Variants in SLC6A20 observed in about 807,000 individuals in gnomAD.
The protein encoded by SLC6A20 is solute carrier family 6 member 20, also known as sodium- and chloride-dependent transporter XTRP3.
SLC6A20 carries 73 observed loss-of-function variants against 64.3 expected under a neutral mutation model. That is an observed-to-expected ratio of 1.14 (90% CI 0.94 to 1.38). The LOEUF is 1.38. SLC6A20 is among the 40% of genes most tolerant of loss of function. The probability of loss-of-function intolerance (pLI) is 0.00; values close to 1 mark genes in which losing one functional copy is unlikely to be tolerated. For synonymous variants in SLC6A20, 347 were observed against 329.6 expected (o/e 1.05, Z -0.57); for missense variants, 725 against 772.8 (o/e 0.94, Z 0.73).
intron 3 of SLC6A20, among the ~76,000 whole-genome samples, chr3:45,776,880 T>C (rs1406207012): frequency 1.3e-5 from 2 of 152,142 alleles, no homozygotes; most frequent in Non-Finnish European, 2.9e-5. Flanking sequence ...AAGAGAAGGC[T>C]CCAGGTGTGC....
chr3:45,777,208 G>C (rs1287351103), intron 3 of SLC6A20, among the ~76,000 whole-genome samples: 2 of 152,192 alleles, frequency 1.3e-5, no homozygotes, highest in African/African-American at 4.8e-5. Context: ...CCAAGGCCCG[G>C]GGTATCACCT....
At chr3:45,759,534 G>C (rs1259711226) in intron 10 of SLC6A20, among the ~76,000 whole-genome samples, 2 of 152,218 alleles carry the variant, frequency 1.3e-5, no homozygotes, top group Admixed American at 1.3e-4. Context: ...TGTCTGCTGC[G>C]GTAGGCGCGG....
intron 1 of SLC6A20, among the ~76,000 whole-genome samples, chr3:45,783,403 T>G (rs1431623758): frequency 6.6e-6 from 1 of 152,244 alleles, no homozygotes; most frequent in East Asian, 1.9e-4. Context: ...ATGTCTCCAT[T>G]GTACACACGT....
intron 9 of SLC6A20, among the ~76,000 whole-genome samples, chr3:45,761,841 T>C (rs1210531362): frequency 1.3e-5 from 2 of 152,180 alleles, no homozygotes; most frequent in African/African-American, 4.8e-5. Context: ...AATTTGGCTT[T>C]GTTTAACTTA....
chr3:45,764,955 G>A lies in SLC6A20; in HGVS notation c.1303+582C>T, dbSNP rs533368393. Among the ~76,000 whole-genome samples the A allele has an allele frequency of 5.3e-5, 8 of 152,150 alleles. No homozygotes were observed. In the East Asian group the frequency reaches 1.4e-3, roughly 26 times the overall value. ...AGGCCAGGTGTGGTGGCTCACACCT[G>A]TAATCCCAGCACTTTCGGAGGCTGA... On this transcript the variant is annotated intron_variant, in intron 8 of 10. Transcript: ENST00000358525.
rs572082148 is a variant in SLC6A20, at chr3:45,787,037, T to A, written c.122-4814A>T. On this transcript the variant is annotated intron_variant, in intron 1 of 10. Transcript: ENST00000358525. ...AGGTCTTTGTGATTCCACCCTCCAG[T>A]CCCCTCCCTGCAGTTTGTTCTCAGA... 6.4e-4 allele frequency among the ~76,000 whole-genome samples: 97 copies of A among 152,252 alleles called. 2 individuals carry two copies. The South Asian group carries it at 0.014, about 22-fold the overall frequency.
chr3:45,765,466 G>C lies in SLC6A20; in HGVS notation c.1303+71C>G. 1 of 1,523,940 alleles carries C rather than the reference G, an allele frequency of 6.6e-7. No individual in the cohort carries two copies. The highest frequency in any genetic ancestry group is 8.9e-7 in the Non-Finnish European group (1 of 1,126,552). The allele number at this position is 1,523,940 out of a possible 1,614,324, so 94.4% of individuals were successfully genotyped here. A position where few individuals can be genotyped will look rare whatever the true frequency, so the allele number is the denominator to read the frequency against. Reference sequence around the variant, plus strand: ...GAACCAGCCCATGACCCCTGAGGGAGCTCTCCCCTGTTCACCCCCACGCCT... The same window carrying C: ...GAACCAGCCCATGACCCCTGAGGGACCTCTCCCCTGTTCACCCCCACGCCT... On this transcript the variant is annotated intron_variant, in intron 8 of 10. Transcript: ENST00000358525. This position sits in a 1 kb window ranked among gnomAD's most constrained non-coding sequence, Gnocchi z 4.2.
In SLC6A20 at chr3:45,796,324, C is replaced by T. The variant is rs747150459; in HGVS notation, c.96G>A (p.Pro32=). ...CTCCGCCGTACATCTGGCACAGGTA[C>T]GGGAATCGCCACACGTTGCCCAGGC... ...AVGLGNVWRF[P]YLCQMYGGGS... is the part of the protein sequence containing the mutation. The change falls in exon 1 of 11, where the codon CCG becomes CCA. Residue 32 remains proline, a synonymous_variant. Coordinates refer to ENST00000358525, the MANE Select transcript of SLC6A20 (RefSeq NM_020208.4). The T allele has an allele frequency of 4.3e-6, 7 of 1,611,630 alleles. No homozygotes were observed. The highest frequency in any genetic ancestry group is 5.9e-6 in the Non-Finnish European group (7 of 1,179,174).
chr3:45,779,482 G>C (rs1164410143), intron 3 of SLC6A20, among the ~76,000 whole-genome samples: 2 of 152,182 alleles, frequency 1.3e-5, no homozygotes, highest in Non-Finnish European at 2.9e-5. Flanking sequence ...GTGTTACAGG[G>C]TGACAATGGT....
At chr3:45,769,624 TGA>T (rs1699827428) in intron 7 of SLC6A20, among the ~76,000 whole-genome samples, 1 of 152,160 alleles carries the variant, frequency 6.6e-6, no homozygotes. Flanking sequence ...AAATGCTGAA[TGA>T]GAGAAGTATC....
At chr3:45,792,867 A>T (rs754427087) in intron 1 of SLC6A20, among the ~76,000 whole-genome samples, 1 of 151,888 alleles carries the variant, frequency 6.6e-6, no homozygotes, top group East Asian at 1.9e-4. Context: ...ATTTACTGGG[A>T]CCCTACTGCC....
In SLC6A20 at chr3:45,765,600, T is replaced by C. The variant is rs1376847002; in HGVS notation, c.1240A>G (p.Ile414Val). 6.2e-7 allele frequency: 1 copy of C among 1,614,146 alleles called. No homozygotes were observed. The highest frequency in any genetic ancestry group is 1.7e-5 in the Admixed American group (1 of 60,026). The change falls in exon 8 of 11, where the codon ATC (isoleucine) becomes GTC (valine). Residue 414 changes from isoleucine (I) to valine (V), a missense_variant. Physicochemically the swap from Ile to Val is conservative, Grantham distance 29. Transcript: ENST00000358525. The surrounding 1 kb of genome is among the most constrained non-coding windows in gnomAD (Gnocchi z 4.2). ...IGSMLGNTAA[I>V]LTPLTDSKII... The stretch of plus-strand genomic sequence containing the variant: ...TTGCTGTCTGTCAGAGGGGTGAGGA[T>C]GGCCGCTGTGTTCCCCAGCATGCTC...
Position 45,758,850 on chromosome 3 carries a change from A to G in SLC6A20, c.*128T>C. 7.2e-7 allele frequency: 1 copy of G among 1,382,792 alleles called. No homozygotes were observed. The highest frequency in any genetic ancestry group is 9.4e-7 in the Non-Finnish European group (1 of 1,064,734). 85.7% of individuals were successfully genotyped at this position (1,382,792 alleles called of 1,614,324 possible). A position where few individuals can be genotyped will look rare whatever the true frequency, so the allele number is the denominator to read the frequency against. ...AGTTTTCTTCCTGCACACCTTCCTC[A>G]TCTTCTTTAGACACTCAGGAAGTTG... On this transcript the variant is annotated 3_prime_UTR_variant, in exon 11 of 11. Coordinates refer to ENST00000358525, the MANE Select transcript of SLC6A20 (RefSeq NM_020208.4).
chr3:45,778,697 C>G (rs1475971842), intron 3 of SLC6A20, among the ~76,000 whole-genome samples: 1 of 152,162 alleles, frequency 6.6e-6, no homozygotes, highest in Non-Finnish European at 1.5e-5. Context: ...CCTTAGTTGG[C>G]AGTACTGTTG....
Position 45,772,523 on chromosome 3 carries a change from C to T in SLC6A20, c.675G>A (p.Met225Ile). The T allele has an allele frequency of 6.2e-7, 1 of 1,613,576 alleles. No homozygotes were observed. Among genetic ancestry groups the T allele is most frequent in the South Asian group, 1.1e-5 (1 of 90,928 alleles). ...CCCGTACCTTGGGAGTGAACATGTA[C>T]ATGAGGCCATTGGTGGCTCCGTGGA... Reference protein sequence around the residue: ...LTLHGATNGLMYMFTPKIEQL... With the variant: ...LTLHGATNGLIYMFTPKIEQL... Residue 225 changes from methionine to isoleucine, a missense_variant, in exon 5 of 11, where the codon ATG (methionine) becomes ATA (isoleucine). Met to Ile is a conservative substitution (Grantham distance 10). Coordinates refer to ENST00000358525, the MANE Select transcript of SLC6A20 (RefSeq NM_020208.4).
intron 1 of SLC6A20, among the ~76,000 whole-genome samples, chr3:45,789,155 A>T (rs1175956898): frequency 6.6e-6 from 1 of 152,210 alleles, no homozygotes; most frequent in Admixed American, 6.5e-5. Context: ...ATATCAACAG[A>T]TGACATTTCA....
intron 2 of SLC6A20, among the ~76,000 whole-genome samples, chr3:45,781,040 C>T (rs1364535786): frequency 2.0e-5 from 3 of 152,054 alleles, no homozygotes; most frequent in Non-Finnish European, 2.9e-5. Flanking sequence ...AATAGCCTAG[C>T]GAAACCCCAT....
At chr3:45,771,494 G>A (rs1453071762) in intron 5 of SLC6A20, 36 bp from the exon 6 acceptor site, 4 of 1,610,464 alleles carry the variant, frequency 2.5e-6, no homozygotes, top group Non-Finnish European at 3.4e-6. Flanking sequence ...GATGATCCCT[G>A]GGTGGAATCC....
At chr3:45,767,781 T>C (rs4299518) in intron 7 of SLC6A20, among the ~76,000 whole-genome samples, 57,783 of 152,008 alleles carry the variant, frequency 0.38, 12,021 homozygotes, top group Non-Finnish European at 0.47. Flanking sequence ...GAGAAGATCA[T>C]GAGAAAGAGA....
Sources: gnomAD v4.1 joint callset for allele counts (sites outside exome capture counted in the v4.1 genomes callset) on GRCh38, gnomAD v4.1.1 for gene constraint, Gnocchi (gnomAD v3.1) non-coding constraint, MANE v1.5 for transcripts, NCBI Gene and HGNC (gene_info 2026-07-23, HGNC 2026-07-21) for gene names.